The following PLBD2 variants were observed in gnomAD, a reference collection of about 807,000 sequenced individuals.
PLBD2 encodes the protein phospholipase B domain containing 2.
In PLBD2, 51 loss-of-function variants were observed where a neutral mutation model predicts 68.3. That is an observed-to-expected ratio of 0.75 (90% CI 0.60 to 0.94). The LOEUF (loss-of-function observed/expected upper bound fraction) is 0.94. PLBD2 is among the 40% of genes least tolerant of loss of function. The probability of loss-of-function intolerance (pLI) is 0.00; values close to 1 mark genes in which losing one functional copy is unlikely to be tolerated. For missense variants in PLBD2, 729 were observed against 792.2 expected (o/e 0.92, Z 0.96); for synonymous variants, 314 against 339.3 (o/e 0.93, Z 0.82).
At chr12:113,362,791 AT>A (rs112639164) in intron 1 of PLBD2, among the ~76,000 whole-genome samples, 14,065 of 145,522 alleles carry the variant, frequency 0.097, 895 homozygotes, top group East Asian at 0.21. Context: ...CTTTTGATTT[AT>A]TTTTTTTTTT....
In PLBD2 at chr12:113,384,230, C is replaced by T; in HGVS notation, c.1083C>T (p.Thr361=). 2 of 1,613,686 alleles carry T rather than the reference C, an allele frequency of 1.2e-6. No homozygotes were observed. Among genetic ancestry groups the T allele is most frequent in the South Asian group, 1.1e-5 (1 of 91,020 alleles). The change falls in exon 7 of 12, where the codon ACC becomes ACT. Residue 361 remains threonine, a synonymous_variant. Coordinates refer to ENST00000280800, the MANE Select transcript of PLBD2 (RefSeq NM_173542.4). This position sits in a 1 kb window ranked among gnomAD's most constrained non-coding sequence, Gnocchi z 4.2. Reference sequence around the variant, plus strand: ...ACCGCCTGGCCTCGGATGGGGCCACCTGGGCAGACATCTTCAAGAGGTTCA... The same window carrying T: ...ACCGCCTGGCCTCGGATGGGGCCACTTGGGCAGACATCTTCAAGAGGTTCA... The part of the protein sequence containing the change: ...VANRLASDGA[T]WADIFKRFNS...
intron 1 of PLBD2, among the ~76,000 whole-genome samples, chr12:113,368,664 G>A (rs1198887350): frequency 1.3e-5 from 2 of 152,134 alleles, no homozygotes; most frequent in Admixed American, 1.3e-4. Context: ...CATGGGGGTG[G>A]GGATGGCATG....
At chr12:113,367,292 A>C (rs928765116) in intron 1 of PLBD2, among the ~76,000 whole-genome samples, 6 of 152,246 alleles carry the variant, frequency 3.9e-5, no homozygotes, top group African/African-American at 1.4e-4. Flanking sequence ...AATTGGAAGC[A>C]TGTTGGAACT....
intron 1 of PLBD2, among the ~76,000 whole-genome samples, chr12:113,363,523 A>G (rs910284697): frequency 1.3e-5 from 2 of 151,584 alleles, no homozygotes; most frequent in African/African-American, 4.8e-5. Flanking sequence ...CTTCCTAGAT[A>G]TAAACATTTT....
At chr12:113,367,759 A>G (rs200235921) in intron 1 of PLBD2, among the ~76,000 whole-genome samples, 2 of 148,096 alleles carry the variant, frequency 1.4e-5, no homozygotes. Context: ...AAAAAAAAAA[A>G]AAAAAAGAAA....
chr12:113,374,619 A>C, intron 4 of PLBD2, 45 bp downstream of exon 4: 1 of 1,517,798 alleles, frequency 6.6e-7, no homozygotes, highest in Admixed American at 1.9e-5. Flanking sequence ...GAAGGGCCAC[A>C]CACTCATAGT....
At position 113,387,815 on chromosome 12, in the gene PLBD2, C is replaced by T. The variant is rs756421818; in HGVS notation, c.1511C>T (p.Ala504Val). ...ACNPQPNGEN[A>V]ISARSDLNPA... The stretch of plus-strand genomic sequence containing the variant: ...AACCCCCAGCCCAATGGGGAGAATG[C>T]TATCTCCGCCCGCTCCGACCTCAAC... The change falls in exon 11 of 12, where the codon GCT (alanine) becomes GTT (valine). Residue 504 changes from alanine to valine, a missense_variant. Physicochemically the swap from Ala to Val is moderately conservative, Grantham distance 64. Coordinates refer to ENST00000280800, the MANE Select transcript of PLBD2 (RefSeq NM_173542.4). 2 of 1,614,138 alleles carry T rather than the reference C, an allele frequency of 1.2e-6. No individual in the cohort carries two copies. The highest frequency in any genetic ancestry group is 1.7e-6 in the Non-Finnish European group (2 of 1,179,960).
chr12:113,381,781 G>A (rs1957492854), intron 6 of PLBD2, among the ~76,000 whole-genome samples: 1 of 152,146 alleles, frequency 6.6e-6, no homozygotes, highest in African/African-American at 2.4e-5. Flanking sequence ...CCAGGAGGCT[G>A]TTGGCCCTCT....
intron 1 of PLBD2, among the ~76,000 whole-genome samples, chr12:113,361,196 C>G (rs1957290696): frequency 6.6e-6 from 1 of 152,028 alleles, no homozygotes; most frequent in Admixed American, 6.6e-5. Flanking sequence ...TTTGATGCCT[C>G]TGTTCACTCA....
rs1217858296 is a variant in PLBD2, at chr12:113,374,456, C to T, written c.544-18C>T. The T allele has an allele frequency of 6.5e-7, 1 of 1,540,312 alleles. No individual in the cohort carries two copies. Among genetic ancestry groups the T allele is most frequent in the Non-Finnish European group, 8.8e-7 (1 of 1,130,538 alleles). On this transcript the variant is annotated intron_variant, in intron 3 of 11. Coordinates refer to ENST00000280800, the MANE Select transcript of PLBD2 (RefSeq NM_173542.4). ...AGGAGAGGCCTCACCCTCCCTCTGC[C>T]CCCGCCCCCTCCCCTAGGTGCGGCT... is the stretch of plus-strand genomic sequence containing the variant.
chr12:113,377,796 G>A lies in PLBD2; in HGVS notation c.859+2789G>A, dbSNP rs377656200. Among the ~76,000 whole-genome samples the A allele has an allele frequency of 7.9e-4, 121 of 152,308 alleles. No homozygotes were observed. In the South Asian group the frequency reaches 0.017, roughly 21 times the overall value. ...GTGAGATTCATCTGTATTACTGTGT[G>A]TAGCTGTAGATCTATCATTCTCATT... On this transcript the variant is annotated intron_variant, in intron 5 of 11. Coordinates refer to ENST00000280800, the MANE Select transcript of PLBD2 (RefSeq NM_173542.4).
intron 1 of PLBD2, 97 bp downstream of exon 1, chr12:113,358,987 G>C (rs1957262330): frequency 7.6e-7 from 1 of 1,313,848 alleles, no homozygotes; most frequent in East Asian, 3.1e-5. Context: ...TTGCCGGGTG[G>C]GAACGCCCGT....
Position 113,388,709 on chromosome 12 carries a change from T to C in PLBD2, c.*83T>C. 1.4e-6 allele frequency: 2 copies of C among 1,422,754 alleles called. No homozygotes were observed. Among genetic ancestry groups the C allele is most frequent in the Non-Finnish European group, 1.9e-6 (2 of 1,067,100 alleles). The allele number at this position is 1,422,754 out of a possible 1,614,324, so 88.1% of individuals were successfully genotyped here. A position where few individuals can be genotyped will look rare whatever the true frequency, so the allele number is the denominator to read the frequency against. ...GTCCCAAGGCCACCGGACTTCTAAC[T>C]CCAGCCCCTCCTGGGGGCTTCGTTC... is the stretch of plus-strand genomic sequence containing the variant. On this transcript the variant is annotated 3_prime_UTR_variant, in exon 12 of 12. Transcript: ENST00000280800.
At chr12:113,385,401 C>G (rs1026539012) in intron 9 of PLBD2, 118 bp downstream of exon 9, 70 of 950,446 alleles carry the variant, frequency 7.4e-5, no homozygotes, top group African/African-American at 2.8e-4. Flanking sequence ...CAGCCTACCC[C>G]CTTTTCTGGC....
chr12:113,388,013 A>G (rs1957570117), intron 11 of PLBD2, 107 bp downstream of exon 11: 1 of 1,395,976 alleles, frequency 7.2e-7, no homozygotes, highest in Non-Finnish European at 9.9e-7. Flanking sequence ...CAGGAATCAC[A>G]GTCGGAATTG....
At chr12:113,383,553 G>C (rs1320361016) in intron 6 of PLBD2, among the ~76,000 whole-genome samples, 11 of 152,010 alleles carry the variant, frequency 7.2e-5, no homozygotes, top group Non-Finnish European at 1.2e-4. Flanking sequence ...TCCTGCCTCA[G>C]CCTCTCCAGT....
At chr12:113,380,456 G>GT (rs1021233667) in intron 5 of PLBD2, among the ~76,000 whole-genome samples, 12 of 152,240 alleles carry the variant, frequency 7.9e-5, no homozygotes, top group South Asian at 2.1e-4. Flanking sequence ...TTTTAATCAT[G>GT]TTTTTTTCCT....
At position 113,389,028 on chromosome 12, in the gene PLBD2, G is replaced by C. The variant is rs1340931988; in HGVS notation, c.*402G>C. 6.3e-6 allele frequency: 1 copy of C among 159,038 alleles called. No homozygotes were observed. The highest frequency in any genetic ancestry group is 1.4e-5 in the Non-Finnish European group (1 of 72,920). 9.9% of individuals were successfully genotyped at this position (159,038 alleles called of 1,614,324 possible). A position where few individuals can be genotyped will look rare whatever the true frequency, so the allele number is the denominator to read the frequency against. ...AGCCTGTTCCAGCACCCTTCTCCCA[G>C]CTGCATTCCCACGGGTGGCCCTGGA... On this transcript the variant is annotated 3_prime_UTR_variant, in exon 12 of 12. Coordinates refer to ENST00000280800, the MANE Select transcript of PLBD2 (RefSeq NM_173542.4).
chr12:113,383,902 A>G (rs1262216636), intron 6 of PLBD2, among the ~76,000 whole-genome samples: 2 of 151,164 alleles, frequency 1.3e-5, no homozygotes. Flanking sequence ...GGGAGGCTGA[A>G]GCACGAAAAT....
Sources: gnomAD v4.1 joint callset for allele counts (sites outside exome capture counted in the v4.1 genomes callset) on GRCh38, gnomAD v4.1.1 for gene constraint, Gnocchi (gnomAD v3.1) non-coding constraint, MANE v1.5 for transcripts, NCBI Gene and HGNC (gene_info 2026-07-23, HGNC 2026-07-21) for gene names.